Variants in SLC35F3 observed in about 807,000 individuals in gnomAD.
The protein encoded by SLC35F3 is putative thiamine transporter SLC35F3.
SLC35F3 carries 25 observed loss-of-function variants against 49.9 expected under a neutral mutation model. The observed-to-expected ratio is 0.50, with a 90% CI of 0.37 to 0.70. The LOEUF (loss-of-function observed/expected upper bound fraction) is 0.70, where lower values mean the gene tolerates loss of function less well. Among genes scored for constraint, SLC35F3 ranks in the 30% least tolerant of loss-of-function variants. SLC35F3 has a pLI of 0.00. For synonymous variants in SLC35F3, 275 were observed against 265.4 expected (o/e 1.04, Z -0.35); for missense variants, 525 against 639.8 (o/e 0.82, Z 1.94).
intron 2 of SLC35F3, among the ~76,000 whole-genome samples, chr1:233,922,341 G>T (rs552824462): frequency 6.6e-6 from 1 of 152,086 alleles, no homozygotes; most frequent in Non-Finnish European, 1.5e-5. Flanking sequence ...ATTCTAACTG[G>T]TGTGAGATGG....
intron 2 of SLC35F3, among the ~76,000 whole-genome samples, chr1:234,058,219 A>G (rs1395307937): frequency 7.0e-6 from 1 of 143,088 alleles, no homozygotes; most frequent in Non-Finnish European, 1.5e-5. Context: ...TTTGCTTTAT[A>G]TTTCATTCAC....
intron 2 of SLC35F3, among the ~76,000 whole-genome samples, chr1:234,156,584 G>T (rs1666156029): frequency 6.6e-6 from 1 of 152,088 alleles, no homozygotes; most frequent in Non-Finnish European, 1.5e-5. Flanking sequence ...TTAGAAAAAA[G>T]TTTAACTTAG....
intron 2 of SLC35F3, among the ~76,000 whole-genome samples, chr1:233,996,427 T>C (rs4244364): frequency 0.26 from 40,051 of 151,828 alleles, 5,550 homozygotes; most frequent in East Asian, 0.49. Context: ...GGGGCAACTC[T>C]GTATGTGCAT....
intron 2 of SLC35F3, among the ~76,000 whole-genome samples, chr1:233,986,644 A>G (rs1663270177): frequency 1.3e-5 from 2 of 152,070 alleles, no homozygotes; most frequent in Non-Finnish European, 1.5e-5. Context: ...TTTCCCTTGC[A>G]GTTCTTAATT....
chr1:233,922,805 ATCT>A (rs563291864), intron 2 of SLC35F3, among the ~76,000 whole-genome samples: 245 of 152,270 alleles, frequency 1.6e-3, no homozygotes, highest in African/African-American at 5.7e-3. Context: ...TCTTTAATCC[ATCT>A]TGAATTAATT....
intron 2 of SLC35F3, among the ~76,000 whole-genome samples, chr1:234,072,369 C>T (rs1423918828): frequency 6.6e-6 from 1 of 152,210 alleles, no homozygotes; most frequent in East Asian, 1.9e-4. Context: ...GCCCTTAATT[C>T]ACTCAACAGA....
intron 2 of SLC35F3, among the ~76,000 whole-genome samples, chr1:233,961,238 C>A (rs538298366): frequency 6.6e-6 from 1 of 152,026 alleles, no homozygotes; most frequent in South Asian, 2.1e-4. Flanking sequence ...TTTGAAAAAA[C>A]CTGTGAAGGC....
At chr1:234,036,321 G>A (rs771549786) in intron 2 of SLC35F3, among the ~76,000 whole-genome samples, 9 of 152,178 alleles carry the variant, frequency 5.9e-5, no homozygotes, top group Middle Eastern at 3.4e-3. Flanking sequence ...CCAGCTTAGC[G>A]TCCCAAGTCA....
intron 2 of SLC35F3, among the ~76,000 whole-genome samples, chr1:234,100,165 A>G (rs181446652): frequency 1.3e-5 from 2 of 152,302 alleles, no homozygotes; most frequent in Non-Finnish European, 2.9e-5. Context: ...ACTAAATGAA[A>G]ATGAAATTGT....
At chr1:234,081,904 ATTTTTTTTT>A (rs781469880) in intron 2 of SLC35F3, among the ~76,000 whole-genome samples, 34 of 39,234 alleles carry the variant, frequency 8.7e-4, no homozygotes, top group East Asian at 8.2e-3. Context: ...TGCCTGGCTA[ATTTTTTTTT>A]TTTTTTTTTT....
In SLC35F3 at chr1:234,214,442, G is replaced by C. The variant is rs1287531364; in HGVS notation, c.284-16975G>C. 10 of 1,490,200 alleles carry C rather than the reference G, an allele frequency of 6.7e-6. No homozygotes were observed. Among genetic ancestry groups the C allele is most frequent in the South Asian group, 3.9e-5 (3 of 77,600 alleles). 92.3% of individuals were successfully genotyped at this position (1,490,200 alleles called of 1,614,324 possible). Reference sequence around the variant, plus strand: ...ACGGGCCCGGGAGAGACGCGCTCCAGCCGGCCCCAGGATGTAGGCGATCGG... The same window carrying C: ...ACGGGCCCGGGAGAGACGCGCTCCACCCGGCCCCAGGATGTAGGCGATCGG... On this transcript the variant is annotated intron_variant, in intron 2 of 7. Coordinates refer to ENST00000366618, the MANE Select transcript of SLC35F3 (RefSeq NM_173508.4). This position sits in a 1 kb window ranked among gnomAD's most constrained non-coding sequence, Gnocchi z 8.0.
At chr1:234,029,677 T>A (rs1325209183) in intron 2 of SLC35F3, among the ~76,000 whole-genome samples, 3 of 152,142 alleles carry the variant, frequency 2.0e-5, no homozygotes, top group Non-Finnish European at 4.4e-5. Context: ...CCCAACTGTT[T>A]CCCTGTGTTG....
At position 234,149,181 on chromosome 1, in the gene SLC35F3, C is replaced by A. The variant is rs1666037049; in HGVS notation, c.284-82236C>A. ...GAGAACCAAGTCCTGACACAGGGTTCCCTCTCTGCTGTTTGAGTGAAGATG... is the reference window on the plus strand; with the variant it reads ...GAGAACCAAGTCCTGACACAGGGTTACCTCTCTGCTGTTTGAGTGAAGATG... On this transcript the variant is annotated intron_variant, in intron 2 of 7. Coordinates refer to ENST00000366618, the MANE Select transcript of SLC35F3 (RefSeq NM_173508.4). Among the ~76,000 whole-genome samples, 3 of 152,112 alleles carry A rather than the reference C, an allele frequency of 2.0e-5. No homozygotes were observed. The South Asian group carries it at 6.2e-4, about 32-fold the overall frequency.
At chr1:234,047,394 C>G (rs975740208) in intron 2 of SLC35F3, among the ~76,000 whole-genome samples, 1 of 152,096 alleles carries the variant, frequency 6.6e-6, no homozygotes, top group African/African-American at 2.4e-5. Context: ...TGTGGGTGGA[C>G]CCCATGCAAT....
chr1:234,263,137 G>A (rs878874467), intron 3 of SLC35F3, among the ~76,000 whole-genome samples: 65 of 152,302 alleles, frequency 4.3e-4, no homozygotes, highest in Middle Eastern at 3.4e-3. Flanking sequence ...CCTGGTCCGG[G>A]TGCTACCTGC....
intron 2 of SLC35F3, among the ~76,000 whole-genome samples, chr1:234,166,173 T>C (rs1004246050): frequency 6.6e-6 from 1 of 152,088 alleles, no homozygotes; most frequent in Admixed American, 6.6e-5. Context: ...TTAGAGTAGT[T>C]TTAGGTTCAG....
At chr1:234,273,775 T>G (rs1236970332) in intron 3 of SLC35F3, among the ~76,000 whole-genome samples, 6 of 152,024 alleles carry the variant, frequency 3.9e-5, no homozygotes, top group South Asian at 2.1e-4. Flanking sequence ...ATTCATGAAA[T>G]GATTTTTAGG....
intron 2 of SLC35F3, among the ~76,000 whole-genome samples, chr1:234,220,189 G>T (rs781750029): frequency 6.6e-6 from 1 of 152,104 alleles, no homozygotes; most frequent in East Asian, 1.9e-4. Flanking sequence ...TTCATCAGTC[G>T]CAATAAGTAT....
rs554404053 is a variant in SLC35F3, at chr1:234,153,882, GCTAA to G, written c.284-77533_284-77530del. Among the ~76,000 whole-genome samples, 1,131 of 152,020 alleles carry G rather than the reference GCTAA, an allele frequency of 7.4e-3. 14 individuals carry two copies. Among genetic ancestry groups the G allele is most frequent in the African/African-American group, 0.027 (1,104 of 41,422 alleles). On this transcript the variant is annotated intron_variant, in intron 2 of 7. Coordinates refer to ENST00000366618, the MANE Select transcript of SLC35F3 (RefSeq NM_173508.4). ...AGGTCAGGAGATCGAGACCATGCTG[GCTAA>G]CCCCGTCTCTACTAAAAATACAAAA... is the stretch of plus-strand genomic sequence containing the variant.
Sources: allele counts gnomAD v4.1 joint callset (sites outside exome capture counted in the v4.1 genomes callset), GRCh38; gene constraint gnomAD v4.1.1; non-coding constraint Gnocchi (gnomAD v3.1); transcripts MANE v1.5; gene names NCBI Gene and HGNC (gene_info 2026-07-23, HGNC 2026-07-21).